The following SHISA6 variants were observed in gnomAD, a reference collection of about 807,000 sequenced individuals.
The protein encoded by SHISA6 is protein shisa-6.
A neutral mutation model predicts 47.9 loss-of-function variants in SHISA6; 22 were observed. The observed-to-expected ratio is 0.46, with a 90% CI of 0.33 to 0.66. SHISA6 has a LOEUF of 0.66. Ranked by LOEUF, SHISA6 falls within the 30% of genes least tolerant of loss-of-function variation. The pLI, the probability that SHISA6 is intolerant of heterozygous loss-of-function variation, is 0.02. For synonymous variants in SHISA6, 388 were observed against 337.8 expected (o/e 1.15, Z -1.63); for missense variants, 680 against 764.6 (o/e 0.89, Z 1.30).
At chr17:11,413,859 A>G (rs984674422) in intron 3 of SHISA6, among the ~76,000 whole-genome samples, 5 of 152,050 alleles carry the variant, frequency 3.3e-5, no homozygotes, top group Non-Finnish European at 7.4e-5. Context: ...AATAGATCCC[A>G]TCTCCTGATG....
chr17:11,556,880 T>C lies in SHISA6; in HGVS notation c.1106-874T>C, dbSNP rs559792202. 4.6e-5 allele frequency among the ~76,000 whole-genome samples: 7 copies of C among 152,314 alleles called. No homozygotes were observed. In the East Asian group the frequency reaches 1.4e-3, roughly 29 times the overall value. On this transcript the variant is annotated intron_variant, in intron 5 of 5. Coordinates refer to ENST00000441885, the MANE Select transcript of SHISA6 (RefSeq NM_207386.4). Reference sequence around the variant, plus strand: ...AAATTTGGGGCAATGCAGGTTTGTGTGTAACCTGCAAGTTCAAGTAGGTTT... The same window carrying C: ...AAATTTGGGGCAATGCAGGTTTGTGCGTAACCTGCAAGTTCAAGTAGGTTT...
At chr17:11,470,037 A>G (rs956801001) in intron 3 of SHISA6, among the ~76,000 whole-genome samples, 3 of 152,182 alleles carry the variant, frequency 2.0e-5, no homozygotes, top group Admixed American at 2.0e-4. Context: ...CACAGAGGAA[A>G]GGCCATGTGA....
At chr17:11,358,159 C>T (rs534514133) in intron 2 of SHISA6, among the ~76,000 whole-genome samples, 3 of 152,244 alleles carry the variant, frequency 2.0e-5, no homozygotes, top group East Asian at 1.9e-4. Flanking sequence ...TTAAAACTAA[C>T]GCTCTGTGCC....
chr17:11,456,288 AC>A lies in SHISA6; in HGVS notation c.895+76781del, dbSNP rs767681825. Among the ~76,000 whole-genome samples, 8 of 152,174 alleles carry A rather than the reference AC, an allele frequency of 5.3e-5. No homozygotes were observed. The East Asian group carries it at 1.5e-3, about 29-fold the overall frequency. On this transcript the variant is annotated intron_variant, in intron 3 of 5. Transcript: ENST00000441885. ...TACCGGTTGTGCTCTGCACCGAGGC[AC>A]CTGGTGGAGGGAGCCATTTTGCTCA... is the stretch of plus-strand genomic sequence containing the variant.
chr17:11,419,210 G>C (rs764065213), intron 3 of SHISA6, among the ~76,000 whole-genome samples: 3 of 150,468 alleles, frequency 2.0e-5, no homozygotes, highest in Non-Finnish European at 4.4e-5. Context: ...AAAACTTAAA[G>C]TATAATAATA....
At chr17:11,463,723 G>A (rs192885174) in intron 3 of SHISA6, among the ~76,000 whole-genome samples, 2 of 152,184 alleles carry the variant, frequency 1.3e-5, no homozygotes, top group Admixed American at 6.5e-5. Flanking sequence ...CAGCTACATC[G>A]TACTTTATGG....
chr17:11,286,767 A>T (rs996060222), intron 2 of SHISA6, among the ~76,000 whole-genome samples: 1 of 152,166 alleles, frequency 6.6e-6, no homozygotes. Flanking sequence ...AGAATCTCAA[A>T]ATGCGTTTAC....
At chr17:11,350,581 C>A (rs186608717) in intron 2 of SHISA6, among the ~76,000 whole-genome samples, 63 of 152,196 alleles carry the variant, frequency 4.1e-4, no homozygotes, top group African/African-American at 1.4e-3. Context: ...CTTTACATCT[C>A]AGTTCTATCC....
intron 2 of SHISA6, among the ~76,000 whole-genome samples, chr17:11,331,057 G>A (rs1911088980): frequency 6.6e-6 from 1 of 152,296 alleles, no homozygotes; most frequent in South Asian, 2.1e-4. Flanking sequence ...CATTCCTTGA[G>A]GTGAGAGTCA....
intron 3 of SHISA6, among the ~76,000 whole-genome samples, chr17:11,470,003 G>A (rs1318444554): frequency 2.0e-5 from 3 of 152,250 alleles, no homozygotes; most frequent in East Asian, 1.9e-4. Flanking sequence ...AGACACCAGA[G>A]GGCTCTCTCT....
intron 1 of SHISA6, among the ~76,000 whole-genome samples, chr17:11,261,845 A>G (rs1342197338): frequency 6.6e-6 from 1 of 152,180 alleles, no homozygotes; most frequent in East Asian, 1.9e-4. Context: ...GCTGGGCCAT[A>G]TGTTAATTCT....
chr17:11,343,973 G>A (rs188279518), intron 2 of SHISA6, among the ~76,000 whole-genome samples: 5 of 152,278 alleles, frequency 3.3e-5, no homozygotes, highest in African/African-American at 1.2e-4. Flanking sequence ...ACAAGCATGA[G>A]CCACTGCACC....
chr17:11,401,824 A>G lies in SHISA6; in HGVS notation c.895+22315A>G, dbSNP rs1597495059. 4.6e-5 allele frequency among the ~76,000 whole-genome samples: 7 copies of G among 152,302 alleles called. No individual in the cohort carries two copies. The South Asian group carries it at 1.0e-3, about 23-fold the overall frequency. On this transcript the variant is annotated intron_variant, in intron 3 of 5. Transcript: ENST00000441885. ...TGCAACCTCCCTTGTTGACACAATC[A>G]TGGAGTGATATGCTGTAGTCTCTAC...
chr17:11,325,087 T>C (rs1910833291), intron 2 of SHISA6, among the ~76,000 whole-genome samples: 2 of 152,160 alleles, frequency 1.3e-5, no homozygotes, highest in East Asian at 3.9e-4. Context: ...AAATGTGCCA[T>C]CATTCTCAGA....
intron 1 of SHISA6, among the ~76,000 whole-genome samples, chr17:11,261,704 C>A (rs1050811728): frequency 6.6e-6 from 1 of 152,164 alleles, no homozygotes; most frequent in Non-Finnish European, 1.5e-5. Context: ...TTTTTCCTTT[C>A]AGCAGTTGAT....
intron 5 of SHISA6, among the ~76,000 whole-genome samples, chr17:11,556,689 C>A (rs1190317095): frequency 3.3e-5 from 5 of 152,150 alleles, no homozygotes; most frequent in Non-Finnish European, 7.3e-5. Flanking sequence ...GAGTCTCTAG[C>A]TAGAGACGGG....
intron 2 of SHISA6, among the ~76,000 whole-genome samples, chr17:11,312,280 T>TA (rs1910366202): frequency 6.6e-6 from 1 of 151,228 alleles, no homozygotes; most frequent in Admixed American, 6.6e-5. Context: ...ATTAATTTAT[T>TA]ATCATGTTTT....
intron 3 of SHISA6, among the ~76,000 whole-genome samples, chr17:11,425,227 T>C (rs927356702): frequency 1.3e-5 from 2 of 151,786 alleles, no homozygotes; most frequent in Non-Finnish European, 2.9e-5. Context: ...TGGTAAGCTC[T>C]TGAGGGTGGT....
At chr17:11,465,659 C>T (rs1407431154) in intron 3 of SHISA6, among the ~76,000 whole-genome samples, 1 of 152,194 alleles carries the variant, frequency 6.6e-6, no homozygotes, top group Non-Finnish European at 1.5e-5. Flanking sequence ...CACACCTCCA[C>T]TCACATCCTG....
Sources: allele counts gnomAD v4.1 joint callset (sites outside exome capture counted in the v4.1 genomes callset), GRCh38; gene constraint gnomAD v4.1.1; transcripts MANE v1.5; gene names NCBI Gene and HGNC (gene_info 2026-07-23, HGNC 2026-07-21).